ARB2A: variants seen among roughly 807,000 people sequenced by gnomAD.
The protein encoded by ARB2A is cotranscriptional regulator ARB2A.
the ARB2A span, among the ~76,000 whole-genome samples, chr5:94,011,916 C>A: frequency 2.2e-5 from 3 of 136,464 alleles, no homozygotes; most frequent in South Asian, 6.9e-4. Flanking sequence ...GAAATGAGCC[C>A]CGACAAATTA....
the ARB2A span, among the ~76,000 whole-genome samples, chr5:93,635,938 C>T: frequency 1.3e-5 from 2 of 152,246 alleles, no homozygotes; most frequent in Non-Finnish European, 2.9e-5. Context: ...ACACAATTAA[C>T]CATAAAATTT....
chr5:93,789,298 G>A, the ARB2A span, among the ~76,000 whole-genome samples: 41 of 152,246 alleles, frequency 2.7e-4, no homozygotes, highest in African/African-American at 1.2e-4. Context: ...ACTACTGTAC[G>A]TTTATAAATC....
At chr5:93,850,683 T>C in the ARB2A span, among the ~76,000 whole-genome samples, 1 of 152,180 alleles carries the variant, frequency 6.6e-6, no homozygotes, top group Non-Finnish European at 1.5e-5. Context: ...TTCTAGAAAT[T>C]AAAATTTAGA....
chr5:93,668,273 T>G, the ARB2A span, among the ~76,000 whole-genome samples: 1 of 151,796 alleles, frequency 6.6e-6, no homozygotes. Flanking sequence ...CTGGCTAGTT[T>G]TTATATTGTT....
At chr5:93,837,024 G>A in the ARB2A span, among the ~76,000 whole-genome samples, 3 of 152,096 alleles carry the variant, frequency 2.0e-5, no homozygotes, top group African/African-American at 4.8e-5. Flanking sequence ...GCAAAGGATC[G>A]TTATATAGGT....
At chr5:93,715,789 T>A in the ARB2A span, among the ~76,000 whole-genome samples, 4 of 150,912 alleles carry the variant, frequency 2.7e-5, no homozygotes, top group African/African-American at 9.7e-5. Context: ...GAGAAAATTT[T>A]GAAAAAAAAA....
chr5:93,797,223 G>A, the ARB2A span, among the ~76,000 whole-genome samples: 4 of 152,204 alleles, frequency 2.6e-5, no homozygotes, highest in South Asian at 2.1e-4. Flanking sequence ...CTGAGGAAGC[G>A]TTTATGTGTG....
At chr5:93,668,026 C>T in the ARB2A span, among the ~76,000 whole-genome samples, 49 of 152,066 alleles carry the variant, frequency 3.2e-4, no homozygotes, top group Non-Finnish European at 6.6e-4. Context: ...TCTTTTTCTA[C>T]TAATTTTTTT....
chr5:94,046,197 TGA>T, the ARB2A span, among the ~76,000 whole-genome samples: 3 of 119,652 alleles, frequency 2.5e-5, no homozygotes, highest in Admixed American at 2.8e-4. Flanking sequence ...ACCATTTTTC[TGA>T]GAGAGAGTTT....
At chr5:93,881,624 A>T in the ARB2A span, 1 of 1,605,012 alleles carries the variant, frequency 6.2e-7, no homozygotes, top group Non-Finnish European at 8.5e-7. Context: ...CTGTACGTGT[A>T]TCTTCGGCTT....
the ARB2A span, among the ~76,000 whole-genome samples, chr5:93,719,689 G>A: frequency 6.6e-6 from 1 of 152,104 alleles, no homozygotes; most frequent in Non-Finnish European, 1.5e-5. Context: ...ATGCTTACAA[G>A]CTGCTGTGAT....
chr5:93,862,309 A>T, the ARB2A span: 1 of 152,194 alleles, frequency 6.6e-6, no homozygotes, highest in South Asian at 2.1e-4. Context: ...AGTTCCCCTG[A>T]AAGTCTTAAC....
At chr5:93,818,317 A>C in the ARB2A span, among the ~76,000 whole-genome samples, 1 of 152,178 alleles carries the variant, frequency 6.6e-6, no homozygotes, top group Admixed American at 6.5e-5. Context: ...TTGTAAAATT[A>C]GATAGTAATG....
chr5:93,980,438 A>T, the ARB2A span, among the ~76,000 whole-genome samples: 23 of 152,256 alleles, frequency 1.5e-4, no homozygotes, highest in Admixed American at 6.5e-5. Flanking sequence ...GTGTAGGTTC[A>T]GTTTTATTAA....
chr5:94,050,850 A>C, the ARB2A span: 9 of 1,507,512 alleles, frequency 6.0e-6, no homozygotes, highest in African/African-American at 1.4e-5. Flanking sequence ...ATAAACAAAC[A>C]ATATTGCTAT....
chr5:93,779,876 G>C, the ARB2A span, among the ~76,000 whole-genome samples: 1 of 152,088 alleles, frequency 6.6e-6, no homozygotes, highest in Non-Finnish European at 1.5e-5. Flanking sequence ...TATTGATATG[G>C]ATTAGAAATG....
chr5:93,983,206 T>TGTGC, the ARB2A span, among the ~76,000 whole-genome samples: 2 of 150,322 alleles, frequency 1.3e-5, no homozygotes, highest in African/African-American at 4.9e-5. Context: ...TGTGTGTGTG[T>TGTGC]GTGTGTGTGT....
the ARB2A span, among the ~76,000 whole-genome samples, chr5:93,995,963 C>T: frequency 6.6e-6 from 1 of 152,196 alleles, no homozygotes; most frequent in African/African-American, 2.4e-5. Context: ...AAATATGGCC[C>T]TTCTTCATTT....
At chr5:94,077,837 G>A in the ARB2A span, among the ~76,000 whole-genome samples, 3 of 152,150 alleles carry the variant, frequency 2.0e-5, no homozygotes, top group African/African-American at 7.2e-5. Flanking sequence ...AATGGTTACA[G>A]TACAAACTAG....
Sources: allele counts gnomAD v4.1 joint callset (sites outside exome capture counted in the v4.1 genomes callset), GRCh38; gene constraint gnomAD v4.1.1; transcripts MANE v1.5; gene names NCBI Gene and HGNC (gene_info 2026-07-23, HGNC 2026-07-21).